ZNF729: variants seen among roughly 807,000 people sequenced by gnomAD.
The protein encoded by ZNF729 is zinc finger protein 729.
ZNF729 carries 15 observed loss-of-function variants against 12.2 expected under a neutral mutation model. That is an observed-to-expected ratio of 1.23 (90% CI 0.82 to 1.89). ZNF729 has a LOEUF of 1.89. ZNF729 is among the 40% of genes most tolerant of loss of function. The probability of loss-of-function intolerance (pLI) is 0.00; values close to 1 mark genes in which losing one functional copy is unlikely to be tolerated. For missense variants in ZNF729, 1,540 were observed against 1,456.7 expected, an observed-to-expected ratio of 1.06 and a Z score of -0.93; for synonymous variants, 492 against 476.3, an observed-to-expected ratio of 1.03 and a Z score of -0.43.
intron 2 of ZNF729, 143 bp downstream of exon 2, chr19:22,304,027 A>G: frequency 2.9e-6 from 2 of 697,264 alleles, no homozygotes; most frequent in Non-Finnish European, 4.1e-6. Flanking sequence ...TTATAAGTGT[A>G]GAAAGGAATT....
At chr19:22,311,012 G>A (rs1441619316) in intron 3 of ZNF729, among the ~76,000 whole-genome samples, 1 of 151,960 alleles carries the variant, frequency 6.6e-6, no homozygotes, top group Non-Finnish European at 1.5e-5. Context: ...ATGATCTTTT[G>A]TATTTCTGTG....
intron 1 of ZNF729, 122 bp from the exon 2 acceptor site, chr19:22,303,636 C>T (rs1446408310): frequency 1.4e-5 from 12 of 862,026 alleles, no homozygotes; most frequent in Admixed American, 1.3e-4. Context: ...TGGATATGTT[C>T]GGTCATCCCT....
intron 1 of ZNF729, among the ~76,000 whole-genome samples, chr19:22,302,122 C>G (rs1263079788): frequency 1.3e-5 from 2 of 152,312 alleles, no homozygotes; most frequent in African/African-American, 4.8e-5. Flanking sequence ...GTGTTTGTTC[C>G]TCCCCTCATA....
At chr19:22,300,669 C>G (rs1389902583) in intron 1 of ZNF729, among the ~76,000 whole-genome samples, 1 of 152,158 alleles carries the variant, frequency 6.6e-6, no homozygotes, top group Admixed American at 6.5e-5. Context: ...CAGAATTCTA[C>G]AAACTTCACA....
Position 22,315,833 on chromosome 19 carries a change from A to C in ZNF729, c.2416A>C (p.Lys806Gln), listed in dbSNP as rs771641350. 40 of 1,610,988 alleles carry C rather than the reference A, an allele frequency of 2.5e-5. No homozygotes were observed. The African/African-American group carries it at 5.2e-4, about 21-fold the overall frequency. The change falls in exon 4 of 4, where the codon AAG becomes CAG. Residue 806 changes from lysine to glutamine, a missense_variant. Lys to Gln is a moderately conservative substitution (Grantham distance 53, BLOSUM62 1). Transcript: ENST00000601693. ...GTGTGAAGAATGTGGTAAAGCTTTT[A>C]AGTGGTCCTCAAAGCTTACTGTACA... ...YKCEECGKAFKWSSKLTVHKV... is the reference protein window; with the variant it reads ...YKCEECGKAFQWSSKLTVHKV...
At chr19:22,286,641 C>T (rs1968081960) in intron 1 of ZNF729, 86 bp downstream of exon 1, 1 of 1,531,776 alleles carries the variant, frequency 6.5e-7, no homozygotes, top group African/African-American at 1.4e-5. Flanking sequence ...CTCCGGCCTC[C>T]CCGCAGTCAG....
rs775774033 is a variant in ZNF729 at position 22,316,137 on chromosome 19, C to A, written c.2720C>A (p.Pro907His). Residue 907 changes from proline (P) to histidine (H), a missense_variant, in exon 4 of 4, where the codon CCC (proline) becomes CAC (histidine). Transcript: ENST00000601693. ...VHKVIHTAEK[P>H]CKCEECGKAF... ...AAGGTAATTCATACTGCAGAGAAAC[C>A]CTGTAAATGTGAAGAATGTGGCAAA... is the stretch of plus-strand genomic sequence containing the variant. 2 of 1,608,700 alleles carry A rather than the reference C, an allele frequency of 1.2e-6. No homozygotes were observed. The highest frequency in any genetic ancestry group is 2.2e-5 in the South Asian group (2 of 90,852).
chr19:22,297,760 T>C (rs1968247938), intron 1 of ZNF729, among the ~76,000 whole-genome samples: 1 of 151,656 alleles, frequency 6.6e-6, no homozygotes, highest in Admixed American at 6.6e-5. Context: ...TCCCAGCACT[T>C]TGGGAGGCCG....
At chr19:22,300,531 C>T (rs1048560181) in intron 1 of ZNF729, among the ~76,000 whole-genome samples, 1 of 152,190 alleles carries the variant, frequency 6.6e-6, no homozygotes, top group Non-Finnish European at 1.5e-5. Context: ...AACTTTCCCT[C>T]TCAGGCTATC....
Position 22,313,816 on chromosome 19 carries a change from G to T in ZNF729, c.399G>T (p.Lys133Asn). The change falls in exon 4 of 4, where the codon AAG becomes AAT. Residue 133 changes from lysine to asparagine, a missense_variant. Transcript: ENST00000601693. Reference protein sequence around the residue: ...RKDCKSANEGKMHKEGYNKLN... With the variant: ...RKDCKSANEGNMHKEGYNKLN... The stretch of plus-strand genomic sequence containing the variant: ...ATTGTAAAAGTGCCAATGAGGGTAA[G>T]ATGCACAAAGAAGGTTATAATAAAC... 1 of 1,591,140 alleles carries T rather than the reference G, an allele frequency of 6.3e-7. No homozygotes were observed. Among genetic ancestry groups the T allele is most frequent in the East Asian group, 2.2e-5 (1 of 44,486 alleles).
intron 2 of ZNF729, 55 bp downstream of exon 2, chr19:22,303,939 C>T: frequency 1.4e-6 from 2 of 1,467,010 alleles, no homozygotes; most frequent in Non-Finnish European, 1.8e-6. Context: ...TTTAATTTCT[C>T]TTTTCTGTAG....
At position 22,314,018 on chromosome 19, in the gene ZNF729, A is replaced by T; in HGVS notation, c.601A>T (p.Ile201Phe). 6.5e-7 allele frequency: 1 copy of T among 1,541,318 alleles called. No individual in the cohort carries two copies. ...TTCATGCTTAATTCGACATAAGAGA[A>T]TTCATATTAGACAGAATATCTACAA... ...MLSCLIRHKR[I>F]HIRQNIYKCE... The change falls in exon 4 of 4, where the codon ATT becomes TTT. Residue 201 changes from isoleucine (I) to phenylalanine (F), a missense_variant. Ile to Phe is a conservative substitution (Grantham distance 21, BLOSUM62 0). Coordinates refer to ENST00000601693, the MANE Select transcript of ZNF729 (RefSeq NM_001242680.2).
chr19:22,287,312 G>T (rs1056805566), intron 1 of ZNF729, among the ~76,000 whole-genome samples: 1 of 150,778 alleles, frequency 6.6e-6, no homozygotes, highest in Non-Finnish European at 1.5e-5. Context: ...TGTTGCCCAG[G>T]CTGGAGTGCA....
chr19:22,291,401 C>G (rs1052864246), intron 1 of ZNF729, among the ~76,000 whole-genome samples: 3 of 152,184 alleles, frequency 2.0e-5, no homozygotes, highest in African/African-American at 7.2e-5. Context: ...AACATATCCA[C>G]TAGACATTGA....
intron 1 of ZNF729, among the ~76,000 whole-genome samples, 187 bp from the exon 2 acceptor site, chr19:22,303,571 T>TTC (rs1473233921): frequency 1.3e-5 from 2 of 152,260 alleles, no homozygotes. Flanking sequence ...CCATTCTTTT[T>TTC]TCTCAGAATT....
rs148237802 is a variant in ZNF729 at position 22,313,064 on chromosome 19, CT to C, written c.254-597del. Reference sequence around the variant, plus strand: ...CAATAAACCAGGAGTTGGCAATTTCCTTTTTTTTTTGAGACAGGGTCTCACT... The same window carrying C: ...CAATAAACCAGGAGTTGGCAATTTCCTTTTTTTTTGAGACAGGGTCTCACT... On this transcript the variant is annotated intron_variant, in intron 3 of 3. Coordinates refer to ENST00000601693, the MANE Select transcript of ZNF729 (RefSeq NM_001242680.2). 2.4e-4 allele frequency among the ~76,000 whole-genome samples: 35 copies of C among 147,270 alleles called. No individual in the cohort carries two copies. In the South Asian group the frequency reaches 3.2e-3, roughly 14 times the overall value.
chr19:22,304,028 G>C, intron 2 of ZNF729, 144 bp downstream of exon 2: 1 of 567,324 alleles, frequency 1.8e-6, no homozygotes, highest in Non-Finnish European at 2.6e-6. Context: ...TATAAGTGTA[G>C]AAAGGAATTT....
chr19:22,289,415 T>A (rs1227880881), intron 1 of ZNF729, among the ~76,000 whole-genome samples: 4 of 151,840 alleles, frequency 2.6e-5, no homozygotes, highest in Admixed American at 2.0e-4. Context: ...TTAATAGAGA[T>A]GGGGTTTCAC....
Position 22,295,038 on chromosome 19 carries a change from T to TTGTGTGTGTG in ZNF729, c.30+8509_30+8518dup, listed in dbSNP as rs71180536. 6.8e-3 allele frequency among the ~76,000 whole-genome samples: 978 copies of TTGTGTGTGTG among 144,116 alleles called. 13 individuals carry two copies. Among genetic ancestry groups the TTGTGTGTGTG allele is most frequent in the African/African-American group, 0.023 (897 of 38,928 alleles). 94.5% of individuals were successfully genotyped at this position (144,116 alleles called of 152,430 possible). On this transcript the variant is annotated intron_variant, in intron 1 of 3. Transcript: ENST00000601693. ...TCTGGTTAGGTGTACTCCTAGATAT[T>TTGTGTGTGTG]TGTGTGTGTGTGTGTGTGTGTGTGT... is the stretch of plus-strand genomic sequence containing the variant.
Sources: gnomAD v4.1 joint callset for allele counts (sites outside exome capture counted in the v4.1 genomes callset) on GRCh38, gnomAD v4.1.1 for gene constraint, MANE v1.5 for transcripts, NCBI Gene and HGNC (gene_info 2026-07-23, HGNC 2026-07-21) for gene names.